The following ACTR3C variants were observed in gnomAD, a reference collection of about 807,000 sequenced individuals.
The protein encoded by ACTR3C is actin-related protein 3C.
ACTR3C carries 18 observed loss-of-function variants against 26.3 expected under a neutral mutation model. The observed-to-expected ratio is 0.68, with a 90% CI of 0.47 to 1.01. The LOEUF (loss-of-function observed/expected upper bound fraction) is 1.01, where lower values mean the gene tolerates loss of function less well. Among genes scored for constraint, ACTR3C ranks in the 50% least tolerant of loss-of-function variants. The pLI is 0.00. For missense variants in ACTR3C, 184 were observed against 250.7 expected, an observed-to-expected ratio of 0.73 and a Z score of 1.80; for synonymous variants, 55 against 94.5, an observed-to-expected ratio of 0.58 and a Z score of 2.42.
the ACTR3C span, among the ~76,000 whole-genome samples, chr7:149,962,431 G>A: frequency 0.048 from 7,279 of 152,190 alleles, 570 homozygotes; most frequent in African/African-American, 0.16. Context: ...GAAGTTCAAG[G>A]TCACATGGAC....
chr7:150,315,252 C>A (rs1796750669), intron 1 of ACTR3C, among the ~76,000 whole-genome samples: 1 of 151,810 alleles, frequency 6.6e-6, no homozygotes, highest in Non-Finnish European at 1.5e-5. Flanking sequence ...ACATTAAAAT[C>A]GAAATTCATT....
the ACTR3C span, among the ~76,000 whole-genome samples, chr7:150,195,597 G>T: frequency 2.0e-5 from 3 of 152,234 alleles, no homozygotes; most frequent in Non-Finnish European, 4.4e-5. Context: ...CTTCAGGGGG[G>T]GCCAGGCGTG....
intron 1 of ACTR3C, among the ~76,000 whole-genome samples, chr7:150,314,452 A>C (rs1019675328): frequency 3.3e-5 from 5 of 152,316 alleles, no homozygotes; most frequent in African/African-American, 1.2e-4. Flanking sequence ...TTGGCTCAGA[A>C]GAAGGAAATA....
At chr7:150,071,059 G>T in the ACTR3C span, among the ~76,000 whole-genome samples, 1 of 150,946 alleles carries the variant, frequency 6.6e-6, no homozygotes, top group African/African-American at 2.4e-5. Context: ...CTCCCAAAGT[G>T]CTGGGATTAC....
the ACTR3C span, among the ~76,000 whole-genome samples, chr7:150,057,874 A>G: frequency 1.6e-4 from 24 of 152,208 alleles, no homozygotes; most frequent in African/African-American, 5.5e-4. Flanking sequence ...GAAGAGAATA[A>G]AAGCAAGTGA....
At chr7:150,036,196 G>A in the ACTR3C span, among the ~76,000 whole-genome samples, 1 of 146,448 alleles carries the variant, frequency 6.8e-6, no homozygotes, top group East Asian at 1.9e-4. Flanking sequence ...GAGCCAGGGG[G>A]GAAGAGGGGA....
At chr7:150,017,276 T>A in the ACTR3C span, among the ~76,000 whole-genome samples, 1 of 151,624 alleles carries the variant, frequency 6.6e-6, no homozygotes. Flanking sequence ...CTGCGCTATC[T>A]CGTGTGGCTT....
chr7:150,305,815 C>T (rs910127897), intron 1 of ACTR3C, among the ~76,000 whole-genome samples: 13 of 152,252 alleles, frequency 8.5e-5, no homozygotes, highest in African/African-American at 2.6e-4. Context: ...ATTCTCTCTG[C>T]ATGTTCAGAT....
the ACTR3C span, among the ~76,000 whole-genome samples, chr7:149,904,480 G>A: frequency 1.3e-5 from 2 of 149,494 alleles, no homozygotes; most frequent in Admixed American, 1.3e-4. Context: ...GCAGTGAGCT[G>A]AGACTGTGCC....
the ACTR3C span, among the ~76,000 whole-genome samples, chr7:150,163,472 A>G: frequency 6.6e-6 from 1 of 151,608 alleles, no homozygotes; most frequent in Admixed American, 6.6e-5. Context: ...ATATATCCAT[A>G]TATGTAAGTT....
chr7:150,316,480 G>GTTTT (rs1563212991), intron 1 of ACTR3C, among the ~76,000 whole-genome samples: 2 of 131,732 alleles, frequency 1.5e-5, no homozygotes. Flanking sequence ...TTAGAATCTG[G>GTTTT]TTATTTTTTT....
the ACTR3C span, among the ~76,000 whole-genome samples, chr7:150,042,590 C>CCT: frequency 1.3e-5 from 2 of 150,818 alleles, no homozygotes; most frequent in South Asian, 2.1e-4. Flanking sequence ...GGGTGCCTCC[C>CCT]CCCACTGCGA....
At chr7:149,955,577 C>T in the ACTR3C span, among the ~76,000 whole-genome samples, 8 of 152,064 alleles carry the variant, frequency 5.3e-5, no homozygotes, top group Non-Finnish European at 8.8e-5. Context: ...AAGGTGCATA[C>T]GGTGTTTTTG....
chr7:149,949,201 TAC>T, the ACTR3C span, among the ~76,000 whole-genome samples: 99 of 143,694 alleles, frequency 6.9e-4, 6 homozygotes, highest in African/African-American at 1.9e-3. Flanking sequence ...TATACATATA[TAC>T]ACACACACAC....
chr7:150,181,747 T>C, the ACTR3C span, among the ~76,000 whole-genome samples: 4 of 150,280 alleles, frequency 2.7e-5, no homozygotes, highest in Non-Finnish European at 4.4e-5. Flanking sequence ...AAATGAAAAA[T>C]GGAGTAGACC....
At chr7:149,887,672 C>A in the ACTR3C span, among the ~76,000 whole-genome samples, 1 of 152,176 alleles carries the variant, frequency 6.6e-6, no homozygotes, top group Admixed American at 6.5e-5. Flanking sequence ...CGAGCCAAGT[C>A]GAGCCAATCC....
chr7:150,161,202 T>TTATATATATATATATATATATATGTA, the ACTR3C span, among the ~76,000 whole-genome samples: 1 of 103,006 alleles, frequency 9.7e-6, no homozygotes, highest in African/African-American at 4.6e-5. Context: ...AGGAAAGTAT[T>TTATATATATATATATATATATATGTA]TATATATATA....
In ACTR3C at chr7:150,313,082, G is replaced by A. The variant is rs138835712; in HGVS notation, c.-52+10387C>T. ...TTATGATCTCCCCACCATGCACCCC[G>A]TAACCCCCTCCTCTGCTAACAATAT... On this transcript the variant is annotated intron_variant, in intron 1 of 7. Transcript: ENST00000683684. Among the ~76,000 whole-genome samples the A allele has an allele frequency of 3.7e-3, 564 of 152,134 alleles. 2 individuals are homozygous for A. The highest frequency in any genetic ancestry group is 0.012 in the African/African-American group (508 of 41,486).
At chr7:150,035,096 A>T in the ACTR3C span, among the ~76,000 whole-genome samples, 115 of 135,002 alleles carry the variant, frequency 8.5e-4, 3 homozygotes, top group Admixed American at 1.8e-3. Context: ...CTACTTGGAC[A>T]CCTAAAACCC....
Sources: gnomAD v4.1 joint callset for allele counts (sites outside exome capture counted in the v4.1 genomes callset) on GRCh38, gnomAD v4.1.1 for gene constraint, MANE v1.5 for transcripts, NCBI Gene and HGNC (gene_info 2026-07-23, HGNC 2026-07-21) for gene names.